Variants in MDGA2 observed in about 807,000 individuals in gnomAD.
The protein encoded by MDGA2 is MAM domain containing glycosylphosphatidylinositol anchor 2.
MDGA2 carries 40 observed loss-of-function variants against 117.8 expected under a neutral mutation model. The observed-to-expected ratio is 0.34, with a 90% CI of 0.26 to 0.44. MDGA2 has a LOEUF of 0.44. MDGA2 is among the 20% of genes least tolerant of loss of function. MDGA2 has a pLI of 1.00. For missense variants in MDGA2, 1,123 were observed against 1,250.6 expected, an observed-to-expected ratio of 0.90 and a Z score of 1.54; for synonymous variants, 452 against 439.0, an observed-to-expected ratio of 1.03 and a Z score of -0.37.
intron 1 of MDGA2, among the ~76,000 whole-genome samples, chr14:47,421,486 T>G (rs181835542): frequency 0.013 from 1,322 of 98,490 alleles, 20 homozygotes; most frequent in African/African-American, 0.047. Context: ...GTGGACCAGC[T>G]GAAAAGCAAA....
intron 5 of MDGA2, among the ~76,000 whole-genome samples, chr14:47,101,127 AGATAGAT>A (rs747942272): frequency 0.089 from 5,429 of 61,280 alleles, 151 homozygotes; most frequent in Non-Finnish European, 0.1. Flanking sequence ...ATAGATAGAC[AGATAGAT>A]AGAAAGAAAT....
intron 2 of MDGA2, among the ~76,000 whole-genome samples, chr14:47,258,796 G>T (rs910878514): frequency 1.3e-5 from 2 of 151,752 alleles, no homozygotes; most frequent in East Asian, 3.9e-4. Flanking sequence ...GGAACAGAGG[G>T]TTCAGTATGC....
chr14:47,474,094 C>A (rs1893785804), intron 1 of MDGA2, among the ~76,000 whole-genome samples: 1 of 152,118 alleles, frequency 6.6e-6, no homozygotes, highest in Admixed American at 6.6e-5. Flanking sequence ...ACTGTCTCAG[C>A]CTAAAAGCTT....
rs1555349484 is a variant in MDGA2 at position 47,072,112 on chromosome 14, G to GGGC, written c.1196-10535_1196-10534insGCC. On this transcript the variant is annotated intron_variant, in intron 6 of 16. Coordinates refer to ENST00000399232, the MANE Select transcript of MDGA2 (RefSeq NM_001113498.3). ...TGGTTGTTGTTGTTTGGGGGGGGGGGGGTTTGCAGGTATTATATGTTGCAG... is the reference window on the plus strand; with the variant it reads ...TGGTTGTTGTTGTTTGGGGGGGGGGGGGCGGTTTGCAGGTATTATATGTTGCAG... 3.3e-3 allele frequency among the ~76,000 whole-genome samples: 351 copies of GGGC among 107,018 alleles called. 22 individuals are homozygous for GGGC. The highest frequency in any genetic ancestry group is 7.4e-3 in the African/African-American group (202 of 27,430). The allele number at this position is 107,018 out of a possible 152,430, so 70.2% of individuals were successfully genotyped here.
chr14:47,613,807 A>T (rs1449653968), intron 1 of MDGA2, among the ~76,000 whole-genome samples: 1 of 152,114 alleles, frequency 6.6e-6, no homozygotes, highest in East Asian at 1.9e-4. Flanking sequence ...ATAAACCCCC[A>T]TTCACTTATT....
At chr14:47,120,085 G>A (rs937976091) in intron 5 of MDGA2, among the ~76,000 whole-genome samples, 4 of 152,094 alleles carry the variant, frequency 2.6e-5, no homozygotes, top group African/African-American at 4.8e-5. Flanking sequence ...ACGCTTCACC[G>A]GGAAGACTAC....
chr14:46,845,916 G>A (rs1326758851), intron 15 of MDGA2, 45 bp from the exon 16 acceptor site: 6 of 1,424,644 alleles, frequency 4.2e-6, no homozygotes, highest in Non-Finnish European at 5.9e-6. Flanking sequence ...GCTTTGATTT[G>A]CAGATCAGTT....
At chr14:47,197,567 T>C (rs141158772) in intron 3 of MDGA2, among the ~76,000 whole-genome samples, 2 of 152,188 alleles carry the variant, frequency 1.3e-5, no homozygotes, top group African/African-American at 4.8e-5. Context: ...CCCTCAGGCA[T>C]GTTTGTCAGA....
chr14:47,193,544 ATAAGT>A (rs1157483731), intron 3 of MDGA2, among the ~76,000 whole-genome samples: 8 of 152,190 alleles, frequency 5.3e-5, no homozygotes, highest in African/African-American at 1.9e-4. Context: ...CTCAATGTAT[ATAAGT>A]TAAGATGGGG....
At chr14:47,277,515 C>T (rs1410675337) in intron 2 of MDGA2, among the ~76,000 whole-genome samples, 1 of 152,082 alleles carries the variant, frequency 6.6e-6, no homozygotes, top group Non-Finnish European at 1.5e-5. Flanking sequence ...TATTCATTGT[C>T]TAATTCTTAT....
intron 1 of MDGA2, among the ~76,000 whole-genome samples, chr14:47,638,156 A>T (rs1001262623): frequency 1.3e-5 from 2 of 152,186 alleles, no homozygotes; most frequent in Admixed American, 1.3e-4. Context: ...GTACGTGTCC[A>T]CAGAATACAC....
chr14:47,144,235 C>T lies in MDGA2; in HGVS notation c.635G>A (p.Gly212Asp). 6.4e-7 allele frequency: 1 copy of T among 1,551,050 alleles called. No individual in the cohort carries two copies. The highest frequency in any genetic ancestry group is 1.2e-5 in the South Asian group (1 of 83,996). The change falls in exon 4 of 17, where the codon GGT becomes GAT. Residue 212 changes from glycine (G) to aspartate (D), a missense_variant. Coordinates refer to ENST00000399232, the MANE Select transcript of MDGA2 (RefSeq NM_001113498.3). ...ATAGTAAAATTGTTCTTTAGCTTCA[C>T]CTATACTTTGATGAACAGTTACTAC... Reference protein sequence around the residue: ...DPVVTVHQSIGEAKEQFYYER... With the variant: ...DPVVTVHQSIDEAKEQFYYER...
At chr14:47,242,109 A>G (rs1219653576) in intron 2 of MDGA2, among the ~76,000 whole-genome samples, 1 of 151,848 alleles carries the variant, frequency 6.6e-6, no homozygotes, top group Non-Finnish European at 1.5e-5. Flanking sequence ...ACCTATGAAG[A>G]TTGCTACTAT....
chr14:47,409,670 AG>A (rs1487934092), intron 1 of MDGA2, among the ~76,000 whole-genome samples: 1 of 152,132 alleles, frequency 6.6e-6, no homozygotes, highest in East Asian at 1.9e-4. Context: ...TTCCCTCAGA[AG>A]CTGTATCACT....
At chr14:47,466,872 C>A (rs1481965577) in intron 1 of MDGA2, among the ~76,000 whole-genome samples, 1 of 151,866 alleles carries the variant, frequency 6.6e-6, no homozygotes, top group African/African-American at 2.4e-5. Flanking sequence ...CTGCAGGTAC[C>A]TTCAGTTTTG....
Position 46,855,102 on chromosome 14 carries a change from T to G in MDGA2, c.2805A>C (p.Pro935=). 5.6e-6 allele frequency: 9 copies of G among 1,611,886 alleles called. No individual in the cohort carries two copies. Among genetic ancestry groups the G allele is most frequent in the Non-Finnish European group, 7.6e-6 (9 of 1,178,632 alleles). ...RLKGQTTIEN[P]LWSSSGNKGQ... ...CTTTATTCCCACTTGAAGACCACAG[T>G]GGATTCTCTATTGTTGTTTGCCCTT... The change falls in exon 15 of 17, where the codon CCA becomes CCC. Residue 935 remains proline, a synonymous_variant. Transcript: ENST00000399232. The surrounding 1 kb of genome is among the most constrained non-coding windows in gnomAD (Gnocchi z 4.1).
chr14:46,998,219 G>C (rs371117539), intron 8 of MDGA2, among the ~76,000 whole-genome samples: 4 of 152,094 alleles, frequency 2.6e-5, no homozygotes, highest in African/African-American at 9.7e-5. Context: ...CAAGGCAGGA[G>C]GATTGCTTGA....
At chr14:47,394,180 T>C (rs1268200961) in intron 1 of MDGA2, among the ~76,000 whole-genome samples, 2 of 152,196 alleles carry the variant, frequency 1.3e-5, no homozygotes, top group African/African-American at 2.4e-5. Context: ...ATTCCTTTAA[T>C]TGCTTTTTTA....
chr14:47,635,483 G>A (rs573452020), intron 1 of MDGA2, among the ~76,000 whole-genome samples: 9 of 152,156 alleles, frequency 5.9e-5, no homozygotes, highest in Middle Eastern at 6.8e-3. Context: ...AGGGATAATT[G>A]TGCGAAAAAA....
Sources: gnomAD v4.1 joint callset for allele counts (sites outside exome capture counted in the v4.1 genomes callset) on GRCh38, gnomAD v4.1.1 for gene constraint, Gnocchi (gnomAD v3.1) non-coding constraint, MANE v1.5 for transcripts, NCBI Gene and HGNC (gene_info 2026-07-23, HGNC 2026-07-21) for gene names.